The following LRMDA variants were observed in gnomAD, a reference collection of about 807,000 sequenced individuals.
The protein encoded by LRMDA is leucine-rich melanocyte differentiation-associated protein.
LRMDA carries 18 observed loss-of-function variants against 29.8 expected under a neutral mutation model. The ratio of observed to expected loss-of-function variants is 0.60; its 90% confidence interval spans 0.42 to 0.90. The LOEUF (loss-of-function observed/expected upper bound fraction) is 0.90, where lower values mean the gene tolerates loss of function less well. Ranked by LOEUF, LRMDA falls within the 40% of genes least tolerant of loss-of-function variation. LRMDA has a pLI of 0.00. For synonymous variants in LRMDA, 125 were observed against 109.4 expected (o/e 1.14, Z -0.89); for missense variants, 273 against 273.9 (o/e 1.00, Z 0.02).
intron 2 of LRMDA, among the ~76,000 whole-genome samples, chr10:75,932,947 A>G (rs1026304228): frequency 1.3e-5 from 2 of 152,216 alleles, no homozygotes; most frequent in Non-Finnish European, 2.9e-5. Context: ...AAACCATTAA[A>G]TTACTTAACC....
intron 6 of LRMDA, among the ~76,000 whole-genome samples, chr10:76,363,160 AGAAAGAAAGAAAGAAAG>A (rs1564520603): frequency 2.5e-5 from 1 of 40,754 alleles, no homozygotes; most frequent in East Asian, 3.5e-4. Context: ...AAAGAAAGAA[AGAAAGAAAGAAAGAAAG>A]GAGGGAGGGA....
chr10:75,804,206 T>G (rs915553519), intron 2 of LRMDA, among the ~76,000 whole-genome samples: 5 of 152,234 alleles, frequency 3.3e-5, no homozygotes, highest in African/African-American at 1.2e-4. Flanking sequence ...ATTGATTCAC[T>G]GGGTGTTAGA....
At chr10:76,350,345 C>T (rs1483162763) in intron 6 of LRMDA, among the ~76,000 whole-genome samples, 6 of 151,918 alleles carry the variant, frequency 3.9e-5, no homozygotes, top group Non-Finnish European at 8.8e-5. Flanking sequence ...AAAGGCAAAA[C>T]CAAAATCTTA....
chr10:76,239,908 T>G (rs956821530), intron 5 of LRMDA, among the ~76,000 whole-genome samples: 1 of 151,762 alleles, frequency 6.6e-6, no homozygotes, highest in Non-Finnish European at 1.5e-5. Flanking sequence ...TTACATTTTA[T>G]GTATATATAC....
At chr10:75,945,433 A>G (rs1191014937) in intron 2 of LRMDA, among the ~76,000 whole-genome samples, 2 of 152,166 alleles carry the variant, frequency 1.3e-5, no homozygotes, top group Non-Finnish European at 2.9e-5. Flanking sequence ...GCCAGTGGCA[A>G]AATTCATCCT....
At chr10:75,471,535 G>GAC (rs1844726594) in intron 2 of LRMDA, among the ~76,000 whole-genome samples, 1 of 152,164 alleles carries the variant, frequency 6.6e-6, no homozygotes, top group South Asian at 2.1e-4. Context: ...TTAGACCTGG[G>GAC]TTCTGTCTGT....
At chr10:76,006,548 T>C (rs899655654) in intron 2 of LRMDA, among the ~76,000 whole-genome samples, 1 of 152,148 alleles carries the variant, frequency 6.6e-6, no homozygotes, top group Admixed American at 6.5e-5. Context: ...AAGAGCCCCT[T>C]TCACAGACAC....
chr10:75,972,277 ATT>A (rs200885177), intron 2 of LRMDA, among the ~76,000 whole-genome samples: 1 of 145,880 alleles, frequency 6.9e-6, no homozygotes, highest in Admixed American at 6.9e-5. Flanking sequence ...GGAGTTTGGG[ATT>A]TTTTTTTTTT....
At chr10:76,430,154 C>CA (rs778514151) in intron 6 of LRMDA, among the ~76,000 whole-genome samples, 15 of 152,132 alleles carry the variant, frequency 9.9e-5, no homozygotes, top group Non-Finnish European at 1.2e-4. Context: ...TATTTTCCCC[C>CA]ATCTCTGTGT....
intron 2 of LRMDA, among the ~76,000 whole-genome samples, chr10:75,636,736 G>A (rs577453937): frequency 7.9e-5 from 12 of 152,142 alleles, no homozygotes; most frequent in South Asian, 2.1e-4. Context: ...GTCATGAACA[G>A]CCTTCATTCC....
chr10:75,519,273 T>C (rs902062140), intron 2 of LRMDA, among the ~76,000 whole-genome samples: 1 of 152,226 alleles, frequency 6.6e-6, no homozygotes, highest in Admixed American at 6.5e-5. Flanking sequence ...ATTTCCTGTC[T>C]CGTTGATCTA....
intron 2 of LRMDA, among the ~76,000 whole-genome samples, chr10:75,444,124 G>T (rs1342255727): frequency 2.0e-5 from 3 of 152,132 alleles, no homozygotes; most frequent in African/African-American, 7.2e-5. Context: ...CTGGACTTTT[G>T]TTTGAAGTTA....
chr10:76,187,945 A>G (rs1480108575), intron 5 of LRMDA, among the ~76,000 whole-genome samples: 2 of 152,194 alleles, frequency 1.3e-5, no homozygotes, highest in East Asian at 1.9e-4. Context: ...CCAGGCACCT[A>G]GGCTGATTCA....
At chr10:76,479,483 A>T (rs746071191) in intron 6 of LRMDA, among the ~76,000 whole-genome samples, 29 of 151,838 alleles carry the variant, frequency 1.9e-4, no homozygotes, top group Non-Finnish European at 3.5e-4. Context: ...GGGTCCTATG[A>T]AGAATGTAAC....
intron 6 of LRMDA, among the ~76,000 whole-genome samples, chr10:76,379,161 TTGTGTGTGTGTGTGTG>T (rs57245101): frequency 7.3e-6 from 1 of 137,856 alleles, no homozygotes; most frequent in African/African-American, 2.7e-5. Context: ...CTGGCCTTCT[TTGTGTGTGTGTGTGTG>T]TGTGTGTGTG....
chr10:76,055,634 G>T (rs1251936374), intron 4 of LRMDA, among the ~76,000 whole-genome samples: 2 of 152,218 alleles, frequency 1.3e-5, no homozygotes, highest in Admixed American at 6.5e-5. Flanking sequence ...AGTGGTAAGG[G>T]GTACATGAGC....
At chr10:75,772,162 T>C (rs1336239453) in intron 2 of LRMDA, among the ~76,000 whole-genome samples, 4 of 152,246 alleles carry the variant, frequency 2.6e-5, no homozygotes, top group Non-Finnish European at 5.9e-5. Flanking sequence ...TAAGTGTTAA[T>C]GACAGAATTA....
At chr10:75,978,903 A>G (rs1197354888) in intron 2 of LRMDA, among the ~76,000 whole-genome samples, 3 of 152,228 alleles carry the variant, frequency 2.0e-5, no homozygotes, top group African/African-American at 7.2e-5. Context: ...AAATGCCGGC[A>G]TATAGAGATG....
chr10:75,957,392 G>C (rs140409777), intron 2 of LRMDA, among the ~76,000 whole-genome samples: 1 of 152,208 alleles, frequency 6.6e-6, no homozygotes, highest in Non-Finnish European at 1.5e-5. Context: ...AACAATGAAG[G>C]GTGCCTTTAA....
Sources: allele counts gnomAD v4.1 joint callset (sites outside exome capture counted in the v4.1 genomes callset), GRCh38; gene constraint gnomAD v4.1.1; transcripts MANE v1.5; gene names NCBI Gene and HGNC (gene_info 2026-07-23, HGNC 2026-07-21).